NADSYN1: variants seen among roughly 807,000 people sequenced by gnomAD.
The protein encoded by NADSYN1 is glutamine-dependent NAD(+) synthetase.
NADSYN1 carries 80 observed loss-of-function variants against 99.3 expected under a neutral mutation model. That is an observed-to-expected ratio of 0.81 (90% CI 0.67 to 0.97). The LOEUF (loss-of-function observed/expected upper bound fraction) is 0.97, where lower values mean the gene tolerates loss of function less well. Among genes scored for constraint, NADSYN1 ranks in the 50% least tolerant of loss-of-function variants. The probability of loss-of-function intolerance (pLI) is 0.00; values close to 1 mark genes in which losing one functional copy is unlikely to be tolerated. For missense variants in NADSYN1, 859 were observed against 948.5 expected, an observed-to-expected ratio of 0.91 and a Z score of 1.24; for synonymous variants, 385 against 372.1, an observed-to-expected ratio of 1.03 and a Z score of -0.40.
rs1167622828 is a variant in NADSYN1, at chr11:71,482,924, G to A, written c.1226G>A (p.Cys409Tyr). The part of the protein sequence containing the change: ...SYTPQDPRDL[C>Y]GRILTTCYMA... Reference sequence around the variant, plus strand: ...ACCCCCCAGGATCCCCGAGACCTCTGTGGACGCATACTGACCACCTGCTAC... The same window carrying A: ...ACCCCCCAGGATCCCCGAGACCTCTATGGACGCATACTGACCACCTGCTAC... The change falls in exon 14 of 21, where the codon TGT becomes TAT. Residue 409 changes from cysteine to tyrosine, a missense_variant. Physicochemically the swap from Cys to Tyr is radical, Grantham distance 194 (BLOSUM62 -2). Coordinates refer to ENST00000319023, the MANE Select transcript of NADSYN1 (RefSeq NM_018161.5). The A allele has an allele frequency of 6.2e-7, 1 of 1,613,158 alleles. No homozygotes were observed. Among genetic ancestry groups the A allele is most frequent in the African/African-American group, 1.3e-5 (1 of 74,840 alleles).
rs200547780 is a variant in NADSYN1 at position 71,474,418 on chromosome 11, C to T, written c.690C>T (p.Ala230=). The T allele has an allele frequency of 2.7e-5, 44 of 1,614,200 alleles. No individual in the cohort carries two copies. The highest frequency in any genetic ancestry group is 3.3e-5 in the Non-Finnish European group (39 of 1,180,032). ...TSKNGGIYLL[A]NQKGCDGDRL... is the part of the protein sequence containing the mutation. ...AGAACGGTGGGATTTACTTGCTGGC[C>T]AACCAGAAGGGTTGTGACGGGGACC... is the stretch of plus-strand genomic sequence containing the variant. Residue 230 remains alanine (A), a synonymous_variant, in exon 9 of 21, where the codon GCC becomes GCT. Coordinates refer to ENST00000319023, the MANE Select transcript of NADSYN1 (RefSeq NM_018161.5).
intron 3 of NADSYN1, chr11:71,458,877 T>A: frequency 3.9e-6 from 1 of 257,194 alleles, no homozygotes; most frequent in East Asian, 9.4e-5. Flanking sequence ...CTGGGGCTCA[T>A]TCCATGTCCA....
intron 3 of NADSYN1, chr11:71,459,706 T>G (rs544973602): frequency 6.6e-6 from 1 of 152,572 alleles, no homozygotes; most frequent in Admixed American, 6.5e-5. Context: ...CGTGGCACCT[T>G]GGCTCGCTTC....
chr11:71,478,593 G>C, intron 10 of NADSYN1, 124 bp downstream of exon 10: 1 of 866,794 alleles, frequency 1.2e-6, no homozygotes, highest in Non-Finnish European at 1.9e-6. Flanking sequence ...GGGAAGTTCC[G>C]GACTTCCCGA....
Position 71,501,391 on chromosome 11 carries a change from C to T in NADSYN1, c.*39C>T. ...CTGGAGGCCTCCTGTCCTCGGGGAC[C>T]CCAGCACCTCATCATCAGCATTGCT... On this transcript the variant is annotated 3_prime_UTR_variant, in exon 21 of 21. Coordinates refer to ENST00000319023, the MANE Select transcript of NADSYN1 (RefSeq NM_018161.5). 8 of 1,563,470 alleles carry T rather than the reference C, an allele frequency of 5.1e-6. No individual in the cohort carries two copies. Among genetic ancestry groups the T allele is most frequent in the Non-Finnish European group, 6.1e-6 (7 of 1,152,052 alleles).
At position 71,473,696 on chromosome 11, in the gene NADSYN1, G is replaced by A. The variant is rs780993482; in HGVS notation, c.666+10G>A. Reference sequence around the variant, plus strand: ...TATGGTCACCAGCAAGGTAGGGGCTGGGCCAGGGAGCGTGCGCCACAGGGC... The same window carrying A: ...TATGGTCACCAGCAAGGTAGGGGCTAGGCCAGGGAGCGTGCGCCACAGGGC... On this transcript the variant is annotated intron_variant, in intron 8 of 20. Coordinates refer to ENST00000319023, the MANE Select transcript of NADSYN1 (RefSeq NM_018161.5). The A allele has an allele frequency of 1.2e-5, 19 of 1,595,358 alleles. No individual in the cohort carries two copies. In the South Asian group the frequency reaches 2.1e-4, roughly 18 times the overall value.
chr11:71,494,679 C>T (rs992081881), intron 18 of NADSYN1, among the ~76,000 whole-genome samples: 1 of 152,148 alleles, frequency 6.6e-6, no homozygotes, highest in African/African-American at 2.4e-5. Flanking sequence ...CTCAGCCTCC[C>T]GAGTAGCTGG....
chr11:71,499,039 G>A (rs114627506), intron 20 of NADSYN1: 3,602 of 153,756 alleles, frequency 0.023, 124 homozygotes, highest in African/African-American at 0.083. Context: ...CAGACCATGC[G>A]GTATTTGTCT....
At position 71,484,327 on chromosome 11, in the gene NADSYN1, C is replaced by T. The variant is rs1375843491; in HGVS notation, c.1335C>T (p.Leu445=). 3.7e-6 allele frequency: 6 copies of T among 1,613,968 alleles called. No homozygotes were observed. Among genetic ancestry groups the T allele is most frequent in the Non-Finnish European group, 5.1e-6 (6 of 1,179,904 alleles). ...CTCCTTCCAGCCACCACATCAGTCT[C>T]AACATCGATCCAGCCGTGAAGGCCG... ...AQQIGSHHIS[L]NIDPAVKAVM... Residue 445 remains leucine, a synonymous_variant, in exon 15 of 21, where the codon CTC becomes CTT. Transcript: ENST00000319023.
chr11:71,459,960 G>A (rs965346808), intron 3 of NADSYN1: 3 of 152,386 alleles, frequency 2.0e-5, no homozygotes, highest in Non-Finnish European at 4.4e-5. Context: ...GAAGGTCGGA[G>A]GTCAAGGGGT....
intron 9 of NADSYN1, chr11:71,474,927 G>A (rs943162767): frequency 7.3e-5 from 22 of 302,564 alleles, no homozygotes; most frequent in African/African-American, 2.4e-4. Context: ...CGAGTCCTGC[G>A]TTCCCACAGT....
intron 8 of NADSYN1, 79 bp downstream of exon 8, chr11:71,473,765 C>T: frequency 3.0e-6 from 3 of 1,015,664 alleles, no homozygotes; most frequent in Middle Eastern, 2.1e-4. Flanking sequence ...GTGCCCATCG[C>T]AGGGCTGGGC....
At chr11:71,493,113 C>T (rs369816737) in intron 18 of NADSYN1, among the ~76,000 whole-genome samples, 42 of 152,216 alleles carry the variant, frequency 2.8e-4, no homozygotes, top group African/African-American at 8.2e-4. Flanking sequence ...CATGAGGCCT[C>T]GGACTCCTGG....
chr11:71,497,476 T>C lies in NADSYN1; in HGVS notation c.1765-7T>C, dbSNP rs369264749. 3 of 1,614,090 alleles carry C rather than the reference T, an allele frequency of 1.9e-6. No homozygotes were observed. The highest frequency in any genetic ancestry group is 2.2e-5 in the East Asian group (1 of 44,880). Reference sequence around the variant, plus strand: ...GTCATCATGGAACAGATTTTTGTTGTGCACAGGAAGATATGGGGATGACAT... The same window carrying C: ...GTCATCATGGAACAGATTTTTGTTGCGCACAGGAAGATATGGGGATGACAT... On this transcript the variant is annotated splice_polypyrimidine_tract_variant and splice_region_variant and intron_variant, in intron 18 of 20. Transcript: ENST00000319023.
At chr11:71,490,494 C>T (rs950412012) in intron 16 of NADSYN1, among the ~76,000 whole-genome samples, 2 of 152,162 alleles carry the variant, frequency 1.3e-5, no homozygotes, top group African/African-American at 2.4e-5. Flanking sequence ...GGGAGGGGCC[C>T]GCGGCCGCCC....
At chr11:71,488,089 T>C (rs969381000) in intron 16 of NADSYN1, among the ~76,000 whole-genome samples, 12 of 152,060 alleles carry the variant, frequency 7.9e-5, no homozygotes, top group African/African-American at 2.2e-4. Context: ...TTTTTTAAAT[T>C]TCCCTGTAAT....
At chr11:71,477,549 T>C in intron 9 of NADSYN1, 1 of 818,120 alleles carries the variant, frequency 1.2e-6, no homozygotes, top group South Asian at 1.7e-5. Context: ...CACACTCGTG[T>C]TTAGCAAGGC....
rs1591135560 is a variant in NADSYN1, at chr11:71,491,522, C to T, written c.1695-312C>T. On this transcript the variant is annotated intron_variant, in intron 17 of 20. Coordinates refer to ENST00000319023, the MANE Select transcript of NADSYN1 (RefSeq NM_018161.5). ...CCTCAATGTGGCGCAGTGCACAGGC[C>T]ATTGACATTCCCTACAGCAGAGTCC... is the stretch of plus-strand genomic sequence containing the variant. 2.0e-5 allele frequency among the ~76,000 whole-genome samples: 3 copies of T among 152,254 alleles called. 1 individual carries two copies. Among genetic ancestry groups the T allele is most frequent in the Admixed American group, 2.0e-4 (3 of 15,308 alleles).
chr11:71,497,350 GC>G, intron 18 of NADSYN1, 132 bp from the exon 19 acceptor site: 5 of 1,121,308 alleles, frequency 4.5e-6, no homozygotes, highest in Non-Finnish European at 6.4e-6. Context: ...GGGGAGTAAA[GC>G]CCACCTCTGC....
Sources: gnomAD v4.1 joint callset for allele counts (sites outside exome capture counted in the v4.1 genomes callset) on GRCh38, gnomAD v4.1.1 for gene constraint, MANE v1.5 for transcripts, NCBI Gene and HGNC (gene_info 2026-07-23, HGNC 2026-07-21) for gene names.